The following EPB41L1 variants were observed in gnomAD, a reference collection of about 807,000 sequenced individuals.
The protein encoded by EPB41L1 is band 4.1-like protein 1.
Under a neutral mutation model 97.8 loss-of-function variants are expected in EPB41L1, and 29 were observed. The observed-to-expected ratio is 0.30, with a 90% CI of 0.22 to 0.40. EPB41L1 has a LOEUF of 0.40. Among genes scored for constraint, EPB41L1 ranks in the 10% least tolerant of loss-of-function variants. The pLI is 1.00. For synonymous variants in EPB41L1, 383 were observed against 459.2 expected (o/e 0.83, Z 2.12); for missense variants, 812 against 1,162.3 (o/e 0.70, Z 4.38).
At chr20:36,107,863 A>G (rs902096230) in intron 1 of EPB41L1, among the ~76,000 whole-genome samples, 31 of 152,238 alleles carry the variant, frequency 2.0e-4, no homozygotes, top group African/African-American at 7.0e-4. Flanking sequence ...AGGAGAAGCT[A>G]AATATCTTAT....
intron 14 of EPB41L1, among the ~76,000 whole-genome samples, chr20:36,201,586 G>A (rs777121008): frequency 4.6e-5 from 7 of 152,326 alleles, no homozygotes; most frequent in South Asian, 2.1e-4. Context: ...GCCCATCAAG[G>A]AGGCAGGCAA....
intron 14 of EPB41L1, among the ~76,000 whole-genome samples, chr20:36,204,640 G>A (rs532054979): frequency 4.7e-5 from 7 of 150,380 alleles, no homozygotes; most frequent in East Asian, 3.9e-4. Flanking sequence ...GTGAGCCACC[G>A]CGCCTGGCCT....
At chr20:36,186,122 A>G (rs2061674141) in intron 7 of EPB41L1, among the ~76,000 whole-genome samples, 1 of 152,192 alleles carries the variant, frequency 6.6e-6, no homozygotes, top group South Asian at 2.1e-4. Context: ...GGGACCCAGT[A>G]AATGCCCATA....
rs187505075 is a variant in EPB41L1, at chr20:36,207,242, T to C, written c.1669-2246T>C. ...GCCAGCCCAGAGCCCAAGGACCAAG[T>C]AGGGTTTGTGGTGTCCCCTGCCACA... On this transcript the variant is annotated intron_variant, in intron 14 of 21. Coordinates refer to ENST00000338074, the MANE Select transcript of EPB41L1 (RefSeq NM_012156.2). This position sits in a 1 kb window ranked among gnomAD's most constrained non-coding sequence, Gnocchi z 4.9. The C allele has an allele frequency of 4.7e-5, 60 of 1,279,330 alleles. No individual in the cohort carries two copies. The highest frequency in any genetic ancestry group is 7.1e-6 in the Non-Finnish European group (7 of 982,398). 79.2% of individuals were successfully genotyped at this position (1,279,330 alleles called of 1,614,324 possible).
intron 15 of EPB41L1, among the ~76,000 whole-genome samples, chr20:36,211,134 C>G: frequency 7.0e-6 from 1 of 143,592 alleles, no homozygotes; most frequent in East Asian, 1.9e-4. Flanking sequence ...CACCTGTAAT[C>G]CCAGCACTTT....
chr20:36,150,935 C>T (rs2060026509), upstream of EPB41L1: 1 of 152,254 alleles, frequency 6.6e-6, no homozygotes, highest in African/African-American at 2.4e-5. Flanking sequence ...GTGCTCCCCA[C>T]CCCACCCTGC....
upstream of EPB41L1, among the ~76,000 whole-genome samples, chr20:36,154,157 C>A (rs1365527432): frequency 6.6e-6 from 1 of 152,152 alleles, no homozygotes; most frequent in Non-Finnish European, 1.5e-5. This position sits in a 1 kb window ranked among gnomAD's most constrained non-coding sequence, Gnocchi z 5.5. Context: ...AGTTGTAATA[C>A]CTCCTCCCGG....
rs6121176 is a variant in EPB41L1 at position 36,177,962 on chromosome 20, G to A, written c.353G>A (p.Arg118Gln). 5.9e-5 allele frequency: 96 copies of A among 1,613,922 alleles called. No individual in the cohort carries two copies. The African/African-American group carries it at 6.5e-4, about 11-fold the overall frequency. Residue 118 changes from arginine (R) to glutamine (Q), a missense_variant, in exon 4 of 22, where the codon CGG (arginine) becomes CAG (glutamine). Arg to Gln is a conservative substitution (Grantham distance 43). Around this residue, in one of 3 missense-constraint regions of EPB41L1, gnomAD observed 230 missense variants for 445.2 expected, o/e 0.52. Coordinates refer to ENST00000338074, the MANE Select transcript of EPB41L1 (RefSeq NM_012156.2). ...EYECEVEKHG[R>Q]GQVLFDLVCE... ...TGCTTCCCTCCTTAGAAACATGGCC[G>A]GGGCCAGGTGCTGTTTGACCTGGTC...
intron 21 of EPB41L1, among the ~76,000 whole-genome samples, chr20:36,224,334 G>A (rs1431263470): frequency 3.9e-5 from 6 of 152,190 alleles, no homozygotes; most frequent in Admixed American, 1.3e-4. Context: ...CATCAGGTTA[G>A]GTAAAATGTA....
At chr20:36,131,970 A>G (rs929053803) in intron 2 of EPB41L1, among the ~76,000 whole-genome samples, 1 of 152,038 alleles carries the variant, frequency 6.6e-6, no homozygotes, top group Non-Finnish European at 1.5e-5. Context: ...CCACAAAGTT[A>G]TCTCTCTAGG....
At chr20:36,100,593 C>T (rs1403786411) in intron 1 of EPB41L1, among the ~76,000 whole-genome samples, 1 of 152,182 alleles carries the variant, frequency 6.6e-6, no homozygotes, top group African/African-American at 2.4e-5. Flanking sequence ...TGATCCCCGT[C>T]GTATTACAGG....
chr20:36,231,308 A>T lies in EPB41L1; in HGVS notation c.*1968A>T, dbSNP rs2064480337. 2 of 152,256 alleles carry T rather than the reference A, an allele frequency of 1.3e-5. No homozygotes were observed. The highest frequency in any genetic ancestry group is 2.9e-5 in the Non-Finnish European group (2 of 68,046). 9.4% of individuals were successfully genotyped at this position (152,256 alleles called of 1,614,324 possible). On this transcript the variant is annotated 3_prime_UTR_variant, in exon 22 of 22. Transcript: ENST00000338074. The stretch of plus-strand genomic sequence containing the variant: ...TTGATGAGGGAAAATGTCCCACTGC[A>T]CTGCGAATTTCTCAGTTCCATTTTA...
chr20:36,125,883 A>T (rs1329304187), intron 2 of EPB41L1, among the ~76,000 whole-genome samples: 1 of 152,094 alleles, frequency 6.6e-6, no homozygotes. Context: ...TCTCAGGCTC[A>T]TGGAAGTGTA....
chr20:36,149,290 C>T (rs2059953330), intron 2 of EPB41L1, among the ~76,000 whole-genome samples: 1 of 152,158 alleles, frequency 6.6e-6, no homozygotes, highest in South Asian at 2.1e-4. Context: ...GGCTGTTCAA[C>T]AACACTACAC....
chr20:36,110,196 C>T (rs2058344698), intron 1 of EPB41L1, among the ~76,000 whole-genome samples: 1 of 152,176 alleles, frequency 6.6e-6, no homozygotes, highest in Admixed American at 6.5e-5. Flanking sequence ...CCGCCTCGGC[C>T]TCCCAAAGTG....
intron 2 of EPB41L1, among the ~76,000 whole-genome samples, chr20:36,123,632 A>G (rs971727537): frequency 1.3e-5 from 2 of 152,154 alleles, no homozygotes; most frequent in Admixed American, 6.5e-5. Context: ...GGGTTTTGCC[A>G]TGTTGGCCAG....
intron 7 of EPB41L1, 68 bp downstream of exon 7, chr20:36,185,403 A>C: frequency 6.9e-7 from 1 of 1,450,750 alleles, no homozygotes. Context: ...GCAGGCCTGA[A>C]TGTCCTAGGC....
At chr20:36,178,496 C>T in intron 4 of EPB41L1, 134 bp from the exon 5 acceptor site, 2 of 897,880 alleles carry the variant, frequency 2.2e-6, no homozygotes, top group East Asian at 2.5e-5. Flanking sequence ...GGAAAAGGAA[C>T]CAAGAGGCTT....
chr20:36,138,336 G>A (rs2059498713), intron 2 of EPB41L1, among the ~76,000 whole-genome samples: 1 of 151,568 alleles, frequency 6.6e-6, no homozygotes. Flanking sequence ...ACGATCTCAG[G>A]CTCACTGCAG....
Sources: allele counts gnomAD v4.1 joint callset (sites outside exome capture counted in the v4.1 genomes callset), GRCh38; gene constraint gnomAD v4.1.1; regional missense constraint gnomAD v4.1.1; non-coding constraint Gnocchi (gnomAD v3.1); transcripts MANE v1.5; gene names NCBI Gene and HGNC (gene_info 2026-07-23, HGNC 2026-07-21).